Variants in GFAP observed in about 807,000 individuals in gnomAD.
The protein encoded by GFAP is glial fibrillary acidic protein.
In GFAP, 38 loss-of-function variants were observed where a neutral mutation model predicts 49.3. That is an observed-to-expected ratio of 0.77 (90% CI 0.60 to 1.01). GFAP has a LOEUF of 1.01. Ranked by LOEUF, GFAP falls within the 50% of genes least tolerant of loss-of-function variation. The probability of loss-of-function intolerance (pLI) is 0.00; values close to 1 mark genes in which losing one functional copy is unlikely to be tolerated. For synonymous variants in GFAP, 222 were observed against 236.4 expected, an observed-to-expected ratio of 0.94 and a Z score of 0.56; for missense variants, 463 against 579.1, an observed-to-expected ratio of 0.80 and a Z score of 2.06.
At position 44,903,593 on chromosome 17, in the gene GFAP, G is replaced by A; in HGVS notation, c.*3754C>T. 2.8e-6 allele frequency: 4 copies of A among 1,404,444 alleles called. No homozygotes were observed. Among genetic ancestry groups the A allele is most frequent in the East Asian group, 5.2e-5 (2 of 38,228 alleles). 87.0% of individuals were successfully genotyped at this position (1,404,444 alleles called of 1,614,324 possible). On this transcript the variant is annotated 3_prime_UTR_variant, in exon 9 of 9. Transcript: ENST00000588735. ...GGGAGTAAAGGCCAGGTTCTAGAAT[G>A]GCTTTCCCCCCCCACCCTGAGATCA... is the stretch of plus-strand genomic sequence containing the variant.
At chr17:44,910,177 C>T in intron 7 of GFAP, 1 of 1,613,662 alleles carries the variant, frequency 6.2e-7, no homozygotes. Context: ...ATCTGGTGAG[C>T]CTGTATTGGT....
Position 44,915,388 on chromosome 17 carries a change from A to G in GFAP, c.99T>C (p.Pro33=). ...GGLAPGRRLG[P]GTRLSLARMP... The stretch of plus-strand genomic sequence containing the variant: ...TTCGAGCCAGGGAGAGGCGGGTGCC[A>G]GGACCCAGACGGCGGCCAGGAGCCA... The change falls in exon 1 of 9, where the codon CCT becomes CCC. Residue 33 remains proline (P), a synonymous_variant. Coordinates refer to ENST00000588735, the MANE Select transcript of GFAP (RefSeq NM_002055.5). The surrounding 1 kb of genome is among the most constrained non-coding windows in gnomAD (Gnocchi z 4.1). 6.2e-7 allele frequency: 1 copy of G among 1,607,574 alleles called. No homozygotes were observed.
In GFAP at chr17:44,915,336, C is replaced by A. The variant is rs1475697926; in HGVS notation, c.151G>T (p.Asp51Tyr). The A allele has an allele frequency of 1.2e-6, 2 of 1,612,910 alleles. No homozygotes were observed. The highest frequency in any genetic ancestry group is 2.2e-5 in the East Asian group (1 of 44,856). Residue 51 changes from aspartate (D) to tyrosine (Y), a missense_variant, in exon 1 of 9, where the codon GAT becomes TAT. This residue lies in a region of GFAP where 89 missense variants were observed against 87.5 expected (regional missense o/e 1.02). Coordinates refer to ENST00000588735, the MANE Select transcript of GFAP (RefSeq NM_002055.5). This position sits in a 1 kb window ranked among gnomAD's most constrained non-coding sequence, Gnocchi z 4.1. ...TTGAGTGCCCCAGCCAGGGAGAAAT[C>A]CACCCGGGTCGGGAGTGGAGGGGGC... ...RMPPPLPTRV[D>Y]FSLAGALNAG...
rs567636153 is a variant in GFAP, at chr17:44,905,718, G to A, written c.*1629C>T. Reference sequence around the variant, plus strand: ...ATTAGCAGCAGCAGCAGCAGCAGGTGGCAGGAAGGAGTGGAGGGAAAGGAC... The same window carrying A: ...ATTAGCAGCAGCAGCAGCAGCAGGTAGCAGGAAGGAGTGGAGGGAAAGGAC... On this transcript the variant is annotated 3_prime_UTR_variant, in exon 9 of 9. Coordinates refer to ENST00000588735, the MANE Select transcript of GFAP (RefSeq NM_002055.5). 1.3e-3 allele frequency: 207 copies of A among 157,146 alleles called. No homozygotes were observed. The highest frequency in any genetic ancestry group is 2.6e-3 in the Middle Eastern group (1 of 384). The allele number at this position is 157,146 out of a possible 1,614,324, so 9.7% of individuals were successfully genotyped here.
chr17:44,914,365 GCA>G (rs764855112), intron 1 of GFAP: 9,901 of 452,364 alleles, frequency 0.022, 1 homozygote, highest in Middle Eastern at 0.034. Flanking sequence ...ACTCACTGTT[GCA>G]CACACACACA....
At position 44,904,919 on chromosome 17, in the gene GFAP, C is replaced by T. The variant is rs939221468; in HGVS notation, c.*2428G>A. 6 of 1,550,480 alleles carry T rather than the reference C, an allele frequency of 3.9e-6. No homozygotes were observed. The highest frequency in any genetic ancestry group is 2.0e-5 in the Admixed American group (1 of 50,984). ...CCGGCTGGGTGTGACATCTCATGGG[C>T]ACTACCCAGCCTCGTTCTCAGATCC... is the stretch of plus-strand genomic sequence containing the variant. On this transcript the variant is annotated 3_prime_UTR_variant, in exon 9 of 9. Coordinates refer to ENST00000588735, the MANE Select transcript of GFAP (RefSeq NM_002055.5).
At position 44,911,657 on chromosome 17, in the gene GFAP, C is replaced by T; in HGVS notation, c.906+15G>A. ...CCTGCTCCGCCCGTCCCCGTCCTGCCCTGGCCGCGCTCACCGTGCCGCGCA... is the reference window on the plus strand; with the variant it reads ...CCTGCTCCGCCCGTCCCCGTCCTGCTCTGGCCGCGCTCACCGTGCCGCGCA... On this transcript the variant is annotated intron_variant, in intron 5 of 8. Coordinates refer to ENST00000588735, the MANE Select transcript of GFAP (RefSeq NM_002055.5). The T allele has an allele frequency of 6.2e-7, 1 of 1,611,156 alleles. No homozygotes were observed. Among genetic ancestry groups the T allele is most frequent in the South Asian group, 1.1e-5 (1 of 91,052 alleles).
In GFAP at chr17:44,910,605, C is replaced by T; in HGVS notation, c.1171+10G>A. 6.4e-7 allele frequency: 1 copy of T among 1,572,386 alleles called. No homozygotes were observed. The highest frequency in any genetic ancestry group is 8.6e-7 in the Non-Finnish European group (1 of 1,157,928). Reference sequence around the variant, plus strand: ...CCAGTGCCCTTCCCACGAGGCCCTGCTGTACTGACCTCGAATCTGCAGGTT... The same window carrying T: ...CCAGTGCCCTTCCCACGAGGCCCTGTTGTACTGACCTCGAATCTGCAGGTT... On this transcript the variant is annotated intron_variant, in intron 7 of 8. Coordinates refer to ENST00000588735, the MANE Select transcript of GFAP (RefSeq NM_002055.5).
chr17:44,911,433 C>T lies in GFAP; in HGVS notation c.930G>A (p.Met310Ile), dbSNP rs755602073. ...RGTNESLERQMREQEERHVRE... is the reference protein window; with the variant it reads ...RGTNESLERQIREQEERHVRE... ...GCACGTGCCGCTCCTCCTGCTCGCGCATCTGCCTCTCCAGGGACTCGTTCT... is the reference window on the plus strand; with the variant it reads ...GCACGTGCCGCTCCTCCTGCTCGCGTATCTGCCTCTCCAGGGACTCGTTCT... The change falls in exon 6 of 9, where the codon ATG becomes ATA. Residue 310 changes from methionine to isoleucine, a missense_variant. By Grantham distance (10) the Met-to-Ile change is conservative. Around this residue, in one of 3 missense-constraint regions of GFAP, gnomAD observed 362 missense variants for 445.5 expected, o/e 0.81. Coordinates refer to ENST00000588735, the MANE Select transcript of GFAP (RefSeq NM_002055.5). The T allele has an allele frequency of 1.1e-5, 17 of 1,610,784 alleles. No individual in the cohort carries two copies. Among genetic ancestry groups the T allele is most frequent in the Middle Eastern group, 1.8e-4 (1 of 5,536 alleles).
Position 44,903,898 on chromosome 17 carries a change from G to A in GFAP, c.*3449C>T. 6.4e-7 allele frequency: 1 copy of A among 1,550,634 alleles called. No individual in the cohort carries two copies. Among genetic ancestry groups the A allele is most frequent in the Non-Finnish European group, 8.7e-7 (1 of 1,146,976 alleles). ...TCCAGGCCTTTGAAATTGTGGAGAA[G>A]GAAAACATTTTTCAGAGGACCCCCT... On this transcript the variant is annotated 3_prime_UTR_variant, in exon 9 of 9. Coordinates refer to ENST00000588735, the MANE Select transcript of GFAP (RefSeq NM_002055.5).
intron 4 of GFAP, chr17:44,912,578 C>CT (rs1015494399): frequency 7.1e-5 from 11 of 155,748 alleles, no homozygotes; most frequent in African/African-American, 2.7e-4. Context: ...CCCTGCCTCT[C>CT]TGTGCTTTTC....
chr17:44,909,766 A>T, intron 7 of GFAP: 1 of 1,099,440 alleles, frequency 9.1e-7, no homozygotes, highest in Non-Finnish European at 1.1e-6. Context: ...CACTGAGCTG[A>T]GCGATGGAGC....
In GFAP at chr17:44,915,265, C is replaced by T. The variant is rs1307573872; in HGVS notation, c.222G>A (p.Met74Ile). The T allele has an allele frequency of 4.3e-6, 7 of 1,614,092 alleles. No homozygotes were observed. The highest frequency in any genetic ancestry group is 1.7e-5 in the Admixed American group (1 of 60,008). Residue 74 changes from methionine to isoleucine, a missense_variant, in exon 1 of 9, where the codon ATG (methionine) becomes ATA (isoleucine). By Grantham distance (10) the Met-to-Ile change is conservative. Around this residue, in one of 3 missense-constraint regions of GFAP, gnomAD observed 12 missense variants for 46.1 expected, o/e 0.26. Transcript: ENST00000588735. This position sits in a 1 kb window ranked among gnomAD's most constrained non-coding sequence, Gnocchi z 4.1. The part of the protein sequence containing the change: ...ETRASERAEM[M>I]ELNDRFASYI... ...AGCTGGCAAAGCGGTCATTGAGCTC[C>T]ATCATCTCTGCCCGCTCACTGGCCC...
chr17:44,908,231 C>A (rs756457188), intron 7 of GFAP, 82 bp from the exon 8 acceptor site: 2 of 899,172 alleles, frequency 2.2e-6, no homozygotes, highest in Non-Finnish European at 3.8e-6. Flanking sequence ...CCCCATCGCA[C>A]CCCCCTCCCC....
Position 44,904,457 on chromosome 17 carries a change from G to C in GFAP, c.*2890C>G. On this transcript the variant is annotated 3_prime_UTR_variant, in exon 9 of 9. Coordinates refer to ENST00000588735, the MANE Select transcript of GFAP (RefSeq NM_002055.5). ...CCCACGCTACCTCAAGGCCGTGCCC[G>C]ATGTGGTGTCTTGTGGCTCAAGGGC... 6.5e-7 allele frequency: 1 copy of C among 1,543,966 alleles called. No homozygotes were observed. Among genetic ancestry groups the C allele is most frequent in the Non-Finnish European group, 8.8e-7 (1 of 1,142,294 alleles).
rs1202345268 is a variant in GFAP at position 44,914,092 on chromosome 17, G to C, written c.462-4C>G. ...CAGGTTGGTTTCATCCTGGAGCCTG[G>C]AGTGGGGGGACACATTCCTGGGTCC... On this transcript the variant is annotated splice_region_variant and splice_polypyrimidine_tract_variant and intron_variant, in intron 1 of 8. Coordinates refer to ENST00000588735, the MANE Select transcript of GFAP (RefSeq NM_002055.5). 2 of 1,550,946 alleles carry C rather than the reference G, an allele frequency of 1.3e-6. No individual in the cohort carries two copies. Among genetic ancestry groups the C allele is most frequent in the Admixed American group, 2.0e-5 (1 of 51,160 alleles).
chr17:44,903,598 TC>T lies in GFAP; in HGVS notation c.*3748del, dbSNP rs200686466. The T allele has an allele frequency of 1.1e-4, 158 of 1,400,230 alleles. No homozygotes were observed. The highest frequency in any genetic ancestry group is 1.2e-4 in the Non-Finnish European group (133 of 1,084,050). 86.7% of individuals were successfully genotyped at this position (1,400,230 alleles called of 1,614,324 possible). A position where few individuals can be genotyped will look rare whatever the true frequency, so the allele number is the denominator to read the frequency against. ...TAAAGGCCAGGTTCTAGAATGGCTT[TC>T]CCCCCCCACCCTGAGATCAGGTCTG... On this transcript the variant is annotated 3_prime_UTR_variant, in exon 9 of 9. Transcript: ENST00000588735.
chr17:44,903,754 A>C lies in GFAP; in HGVS notation c.*3593T>G. 3 of 1,469,094 alleles carry C rather than the reference A, an allele frequency of 2.0e-6. No individual in the cohort carries two copies. Among genetic ancestry groups the C allele is most frequent in the Non-Finnish European group, 1.8e-6 (2 of 1,112,324 alleles). 91.0% of individuals were successfully genotyped at this position (1,469,094 alleles called of 1,614,324 possible). On this transcript the variant is annotated 3_prime_UTR_variant, in exon 9 of 9. Transcript: ENST00000588735. The stretch of plus-strand genomic sequence containing the variant: ...CCTCATCTAGAGGCTTCCGCTTAGC[A>C]GAGCTTTCTAGGAGCCCTATGAGCC...
Position 44,907,319 on chromosome 17 carries a change from G to A in GFAP, c.*28C>T. On this transcript the variant is annotated 3_prime_UTR_variant, in exon 9 of 9. Transcript: ENST00000588735. Reference sequence around the variant, plus strand: ...TTCTGCTCGGGCCCCTCATGAGACGGGGCAGAGGCCACCAGGTGGGTCCTG... The same window carrying A: ...TTCTGCTCGGGCCCCTCATGAGACGAGGCAGAGGCCACCAGGTGGGTCCTG... The A allele has an allele frequency of 6.2e-7, 1 of 1,609,822 alleles. No individual in the cohort carries two copies. The highest frequency in any genetic ancestry group is 1.7e-4 in the Middle Eastern group (1 of 5,932).
Sources: allele counts gnomAD v4.1 joint callset, GRCh38; gene constraint gnomAD v4.1.1; regional missense constraint gnomAD v4.1.1; non-coding constraint Gnocchi (gnomAD v3.1); transcripts MANE v1.5; gene names NCBI Gene and HGNC (gene_info 2026-07-23, HGNC 2026-07-21).